GALNT5: variants seen among roughly 807,000 people sequenced by gnomAD.
The protein encoded by GALNT5 is UDP-GalNAc:polypeptide N-acetylgalactosaminyltransferase 5.
In GALNT5, 72 loss-of-function variants were observed where a neutral mutation model predicts 85.4. The ratio of observed to expected loss-of-function variants is 0.84; its 90% confidence interval spans 0.70 to 1.03. The LOEUF is 1.03. GALNT5 is among the 50% of genes least tolerant of loss of function. GALNT5 has a pLI of 0.00. For synonymous variants in GALNT5, 404 were observed against 397.0 expected (o/e 1.02, Z -0.21); for missense variants, 1,137 against 1,135.5 (o/e 1.00, Z -0.02).
At chr2:157,273,387 T>G (rs1056102810) in intron 1 of GALNT5, among the ~76,000 whole-genome samples, 2 of 152,104 alleles carry the variant, frequency 1.3e-5, no homozygotes, top group African/African-American at 4.8e-5. Context: ...TCTTTCTTCT[T>G]TTTTTCTAAT....
chr2:157,271,349 A>G (rs1682581392), intron 1 of GALNT5, among the ~76,000 whole-genome samples: 1 of 152,194 alleles, frequency 6.6e-6, no homozygotes, highest in Non-Finnish European at 1.5e-5. Context: ...GGTCCTATAC[A>G]CTAAAGAATT....
Position 157,314,480 on chromosome 2 carries a change from T to G in GALNT5, c.*3132T>G, listed in dbSNP as rs1211379001. The stretch of plus-strand genomic sequence containing the variant: ...CTTGTTGACATCCCCTCAGCTGTCA[T>G]TCACAGCAAACCACCATGTGCCATG... On this transcript the variant is annotated 3_prime_UTR_variant, in exon 10 of 10. Transcript: ENST00000259056. Among the ~76,000 whole-genome samples, 2 of 152,204 alleles carry G rather than the reference T, an allele frequency of 1.3e-5. No homozygotes were observed. Among genetic ancestry groups the G allele is most frequent in the Non-Finnish European group, 2.9e-5 (2 of 68,034 alleles).
In GALNT5 at chr2:157,311,202, C is replaced by T; in HGVS notation, c.2683-6C>T. The T allele has an allele frequency of 1.2e-6, 2 of 1,606,408 alleles. No homozygotes were observed. The highest frequency in any genetic ancestry group is 1.7e-6 in the Non-Finnish European group (2 of 1,175,296). On this transcript the variant is annotated splice_region_variant and splice_polypyrimidine_tract_variant and intron_variant, in intron 9 of 9. Coordinates refer to ENST00000259056, the MANE Select transcript of GALNT5 (RefSeq NM_014568.3). ...TGGCTCATTCCCAGCTCTTCTTTCT[C>T]TCCAGGTGAATCACATTGTTTTTGA...
chr2:157,280,218 A>G (rs1574020411), intron 1 of GALNT5, among the ~76,000 whole-genome samples: 2 of 152,224 alleles, frequency 1.3e-5, no homozygotes, highest in Admixed American at 6.5e-5. Flanking sequence ...AAAACAGTGA[A>G]TATTACCTTC....
At chr2:157,275,247 T>G (rs1682696089) in intron 1 of GALNT5, among the ~76,000 whole-genome samples, 1 of 152,216 alleles carries the variant, frequency 6.6e-6, no homozygotes, top group South Asian at 2.1e-4. Context: ...TAGTATAGTT[T>G]GAAGTCAGGT....
intron 8 of GALNT5, 124 bp from the exon 9 acceptor site, chr2:157,308,443 G>A: frequency 1.5e-6 from 1 of 679,998 alleles, no homozygotes; most frequent in Non-Finnish European, 2.6e-6. Context: ...ATAATACCAG[G>A]ACTTGAATAT....
chr2:157,279,391 T>C (rs1206990685), intron 1 of GALNT5, among the ~76,000 whole-genome samples: 1 of 152,234 alleles, frequency 6.6e-6, no homozygotes, highest in Middle Eastern at 3.2e-3. Context: ...TCTGCAGAAG[T>C]TGTCTGCTGC....
rs1683694279 is a variant in GALNT5, at chr2:157,315,985, G to T, written c.*4637G>T. Among the ~76,000 whole-genome samples, 1 of 152,132 alleles carries T rather than the reference G, an allele frequency of 6.6e-6. No homozygotes were observed. Among genetic ancestry groups the T allele is most frequent in the African/African-American group, 2.4e-5 (1 of 41,440 alleles). ...ACAGAGGCTTGAGGAGGCGGTGATTGATATACATAGGGCCCGGGGATTGGT... is the reference window on the plus strand; with the variant it reads ...ACAGAGGCTTGAGGAGGCGGTGATTTATATACATAGGGCCCGGGGATTGGT... On this transcript the variant is annotated 3_prime_UTR_variant, in exon 10 of 10. Transcript: ENST00000259056.
In GALNT5 at chr2:157,317,198, A is replaced by ATATATAT. The variant is rs1292694926; in HGVS notation, c.*5851_*5852insATATATT. Among the ~76,000 whole-genome samples the ATATATAT allele has an allele frequency of 5.4e-4, 72 of 132,974 alleles. 1 individual carries two copies. In the South Asian group the frequency reaches 5.5e-3, roughly 10 times the overall value. 87.2% of individuals were successfully genotyped at this position (132,974 alleles called of 152,430 possible). On this transcript the variant is annotated 3_prime_UTR_variant, in exon 10 of 10. Coordinates refer to ENST00000259056, the MANE Select transcript of GALNT5 (RefSeq NM_014568.3). ...TGTATATATATATATATATATATAT[A>ATATATAT]TTTTTTTTTTTGATGCTTTGATCTG... is the stretch of plus-strand genomic sequence containing the variant.
Position 157,315,482 on chromosome 2 carries a change from G to C in GALNT5, c.*4134G>C, listed in dbSNP as rs932450289. On this transcript the variant is annotated 3_prime_UTR_variant, in exon 10 of 10. Coordinates refer to ENST00000259056, the MANE Select transcript of GALNT5 (RefSeq NM_014568.3). ...GGTGGGTGCATTTAAAAGTTTCTTG[G>C]TCTCAGATTACTGATGCCACAGTAT... is the stretch of plus-strand genomic sequence containing the variant. 2.6e-5 allele frequency among the ~76,000 whole-genome samples: 4 copies of C among 152,058 alleles called. No homozygotes were observed. The highest frequency in any genetic ancestry group is 4.4e-5 in the Non-Finnish European group (3 of 68,010).
intron 8 of GALNT5, among the ~76,000 whole-genome samples, chr2:157,306,690 T>C (rs897173227): frequency 6.6e-6 from 1 of 152,224 alleles, no homozygotes; most frequent in Non-Finnish European, 1.5e-5. Flanking sequence ...AATCTAGGCT[T>C]GTTAAGTCTT....
At chr2:157,304,944 C>T (rs747778068) in intron 7 of GALNT5, among the ~76,000 whole-genome samples, 4 of 152,172 alleles carry the variant, frequency 2.6e-5, no homozygotes, top group Non-Finnish European at 2.9e-5. Context: ...ACAAAGACTT[C>T]AGCTCCTCCC....
rs1317563452 is a variant in GALNT5, at chr2:157,317,488, C to T, written c.*6140C>T. On this transcript the variant is annotated 3_prime_UTR_variant, in exon 10 of 10. Transcript: ENST00000259056. ...CTACCCCAAATTTGCTAGTTTTATA[C>T]ATATTAGCTTAAAAACAAGAGAAGC... Among the ~76,000 whole-genome samples, 1 of 151,894 alleles carries T rather than the reference C, an allele frequency of 6.6e-6. No homozygotes were observed. Among genetic ancestry groups the T allele is most frequent in the Non-Finnish European group, 1.5e-5 (1 of 67,956 alleles).
intron 3 of GALNT5, among the ~76,000 whole-genome samples, chr2:157,288,074 G>C (rs890877813): frequency 1.1e-4 from 17 of 152,160 alleles, no homozygotes; most frequent in African/African-American, 4.1e-4. Context: ...GAGGCCTCTA[G>C]ACATTTAGCC....
At chr2:157,286,379 G>T (rs1682971844) in intron 3 of GALNT5, among the ~76,000 whole-genome samples, 1 of 152,184 alleles carries the variant, frequency 6.6e-6, no homozygotes, top group African/African-American at 2.4e-5. Flanking sequence ...GCACCCCTAA[G>T]TACTTCAGTG....
intron 1 of GALNT5, among the ~76,000 whole-genome samples, chr2:157,264,174 TACACACACAC>T (rs59575957): frequency 6.9e-5 from 10 of 144,702 alleles, no homozygotes; most frequent in African/African-American, 2.2e-4. Context: ...TCAACACACA[TACACACACAC>T]ACACACACAC....
intron 1 of GALNT5, among the ~76,000 whole-genome samples, chr2:157,272,963 T>A (rs747002250): frequency 8.5e-5 from 13 of 152,222 alleles, no homozygotes; most frequent in Non-Finnish European, 1.8e-4. Flanking sequence ...AACTAATTGG[T>A]AGGAACTACA....
intron 6 of GALNT5, 61 bp from the exon 7 acceptor site, chr2:157,300,615 A>T: frequency 7.6e-7 from 1 of 1,316,766 alleles, no homozygotes; most frequent in Non-Finnish European, 1.1e-6. Flanking sequence ...TGTCATTGTT[A>T]AGTGCCGATG....
At chr2:157,293,797 C>G (rs138469957) in intron 3 of GALNT5, among the ~76,000 whole-genome samples, 130 of 152,340 alleles carry the variant, frequency 8.5e-4, no homozygotes, top group African/African-American at 3.1e-3. Context: ...GATCTGTCAT[C>G]TAGATAACTA....
Sources: allele counts gnomAD v4.1 joint callset (sites outside exome capture counted in the v4.1 genomes callset), GRCh38; gene constraint gnomAD v4.1.1; transcripts MANE v1.5; gene names NCBI Gene and HGNC (gene_info 2026-07-23, HGNC 2026-07-21).